The following PHTF2 variants were observed in gnomAD, a reference collection of about 807,000 sequenced individuals.
The protein encoded by PHTF2 is protein PHTF2.
Under a neutral mutation model 101.2 loss-of-function variants are expected in PHTF2, and 60 were observed. The observed-to-expected ratio is 0.59, with a 90% confidence interval of 0.48 to 0.73. The LOEUF is 0.73. Ranked by LOEUF, PHTF2 falls within the 30% of genes least tolerant of loss-of-function variation. The pLI is 0.00. For synonymous variants in PHTF2, 311 were observed against 307.3 expected, an observed-to-expected ratio of 1.01 and a Z score of -0.13; for missense variants, 747 against 908.7, an observed-to-expected ratio of 0.82 and a Z score of 2.29.
chr7:77,809,771 A>T (rs1307088347), intron 1 of PHTF2, among the ~76,000 whole-genome samples: 5 of 152,180 alleles, frequency 3.3e-5, no homozygotes, highest in African/African-American at 1.2e-4. Context: ...GACTGTTGAA[A>T]ATCTCTGTAG....
chr7:77,830,293 T>C (rs1470208241), intron 1 of PHTF2, among the ~76,000 whole-genome samples: 1 of 152,210 alleles, frequency 6.6e-6, no homozygotes, highest in African/African-American at 2.4e-5. Flanking sequence ...ATATTTGCTG[T>C]GTTTTTTTCC....
At chr7:77,799,442 G>A (rs138898728) in intron 1 of PHTF2, among the ~76,000 whole-genome samples, 4 of 152,282 alleles carry the variant, frequency 2.6e-5, no homozygotes, top group Non-Finnish European at 2.9e-5. Context: ...GGGAGGGGGC[G>A]GCGGCTCGCG....
intron 11 of PHTF2, chr7:77,923,990 T>C: frequency 1.1e-6 from 1 of 908,206 alleles, no homozygotes; most frequent in Non-Finnish European, 1.3e-6. Context: ...TCTTTTTTAA[T>C]GATATAAGAA....
intron 1 of PHTF2, among the ~76,000 whole-genome samples, chr7:77,829,628 A>G (rs1008679841): frequency 6.6e-6 from 1 of 152,196 alleles, no homozygotes; most frequent in East Asian, 1.9e-4. Flanking sequence ...CTTTTGTATC[A>G]TTATGAAAGA....
At chr7:77,883,572 G>T (rs1335379952) in intron 3 of PHTF2, among the ~76,000 whole-genome samples, 1 of 151,988 alleles carries the variant, frequency 6.6e-6, no homozygotes, top group Non-Finnish European at 1.5e-5. Flanking sequence ...TTAGTATATT[G>T]TATCTTGGCA....
chr7:77,954,866 G>T, exon 20 of PHTF2: 1 of 1,510,308 alleles, frequency 6.6e-7, no homozygotes, highest in Non-Finnish European at 9.1e-7. Flanking sequence ...AGCTATGGAA[G>T]ATTAAGTCAT....
intron 18 of PHTF2, among the ~76,000 whole-genome samples, chr7:77,952,506 T>G (rs1477636937): frequency 2.6e-5 from 4 of 152,168 alleles, no homozygotes; most frequent in Non-Finnish European, 4.4e-5. Flanking sequence ...TCAAATCCCT[T>G]TAATTATCCT....
At chr7:77,873,733 C>A (rs992424283) in intron 3 of PHTF2, among the ~76,000 whole-genome samples, 2 of 152,188 alleles carry the variant, frequency 1.3e-5, no homozygotes, top group Non-Finnish European at 2.9e-5. Context: ...AATTTACAAA[C>A]TCAGTGTCCT....
At chr7:77,903,702 CCTT>C (rs1196845133) in intron 7 of PHTF2, among the ~76,000 whole-genome samples, 2 of 152,144 alleles carry the variant, frequency 1.3e-5, no homozygotes, top group South Asian at 2.1e-4. Flanking sequence ...AATGACTTAA[CCTT>C]CTTAAAGTCA....
chr7:77,908,691 G>C (rs1220859476), intron 7 of PHTF2, 102 bp from the exon 7 acceptor site: 10 of 707,352 alleles, frequency 1.4e-5, no homozygotes, highest in Middle Eastern at 3.3e-4. Context: ...TTTAAATTTA[G>C]AAAAATATTT....
intron 13 of PHTF2, among the ~76,000 whole-genome samples, chr7:77,939,079 T>A (rs944567518): frequency 7.9e-5 from 12 of 152,216 alleles, no homozygotes; most frequent in African/African-American, 2.9e-4. Flanking sequence ...TGGTCTCATT[T>A]ATCTAATATA....
chr7:77,815,958 A>G (rs1328078059), intron 1 of PHTF2, among the ~76,000 whole-genome samples: 1 of 152,040 alleles, frequency 6.6e-6, no homozygotes, highest in Non-Finnish European at 1.5e-5. Context: ...TCATGTATGT[A>G]TGCGTTTGCT....
At chr7:77,934,152 G>A (rs572669690) in intron 12 of PHTF2, among the ~76,000 whole-genome samples, 11 of 152,224 alleles carry the variant, frequency 7.2e-5, no homozygotes, top group African/African-American at 2.2e-4. Flanking sequence ...GTTAGGTTTG[G>A]AAGACCTTTT....
At position 77,888,853 on chromosome 7, in the gene PHTF2, A is replaced by C. The variant is rs559040073; in HGVS notation, c.148-4755A>C. 1.1e-4 allele frequency among the ~76,000 whole-genome samples: 16 copies of C among 145,206 alleles called. No homozygotes were observed. The South Asian group carries it at 3.4e-3, about 30-fold the overall frequency. ...GAGCAACAGACTGAGACCCTGTCTC[A>C]ACAAATTAAAAAAAAAAATAAGAGG... is the stretch of plus-strand genomic sequence containing the variant. On this transcript the variant is annotated intron_variant, in intron 3 of 19. Transcript: ENST00000416283.
intron 5 of PHTF2, among the ~76,000 whole-genome samples, chr7:77,895,525 A>T: frequency 6.6e-6 from 1 of 152,126 alleles, no homozygotes; most frequent in Non-Finnish European, 1.5e-5. Context: ...TAGACAGGAG[A>T]TATAAGTACC....
At chr7:77,949,754 T>C (rs945688166) in exon 17 of PHTF2, 8 of 1,546,512 alleles carry the variant, frequency 5.2e-6, no homozygotes, top group Non-Finnish European at 7.1e-6. Flanking sequence ...TCGTTAACAC[T>C]TTTTCTCCTA....
intron 3 of PHTF2, among the ~76,000 whole-genome samples, chr7:77,889,945 A>G (rs1800229822): frequency 6.6e-6 from 1 of 152,038 alleles, no homozygotes; most frequent in Non-Finnish European, 1.5e-5. Flanking sequence ...GCAAAGGAGA[A>G]CTGATTCCTG....
chr7:77,954,622 A>ATG (rs902608620), intron 19 of PHTF2, among the ~76,000 whole-genome samples: 3 of 138,380 alleles, frequency 2.2e-5, no homozygotes, highest in African/African-American at 8.1e-5. Context: ...GTATATATAT[A>ATG]TATATATATA....
At chr7:77,935,460 C>T (rs1439221949) in intron 12 of PHTF2, among the ~76,000 whole-genome samples, 2 of 152,082 alleles carry the variant, frequency 1.3e-5, no homozygotes, top group Admixed American at 6.5e-5. Flanking sequence ...CTCCTGACCT[C>T]GTGATCCGCC....
Sources: allele counts gnomAD v4.1 joint callset (sites outside exome capture counted in the v4.1 genomes callset), GRCh38; gene constraint gnomAD v4.1.1; transcripts MANE v1.5; gene names NCBI Gene and HGNC (gene_info 2026-07-23, HGNC 2026-07-21).